The following NEDD4L variants were observed in gnomAD, a reference collection of about 807,000 sequenced individuals.
The protein encoded by NEDD4L is E3 ubiquitin-protein ligase NEDD4-like.
Under a neutral mutation model 148.9 loss-of-function variants are expected in NEDD4L, and 54 were observed. That is an observed-to-expected ratio of 0.36 (90% CI 0.29 to 0.45). The LOEUF (loss-of-function observed/expected upper bound fraction) is 0.45. Ranked by LOEUF, NEDD4L falls within the 20% of genes least tolerant of loss-of-function variation. NEDD4L has a pLI of 1.00. For synonymous variants in NEDD4L, 433 were observed against 440.7 expected (o/e 0.98, Z 0.22); for missense variants, 856 against 1,233.8 (o/e 0.69, Z 4.59).
intron 1 of NEDD4L, among the ~76,000 whole-genome samples, chr18:58,055,983 A>C (rs913506695): frequency 3.9e-5 from 6 of 152,202 alleles, no homozygotes; most frequent in Non-Finnish European, 7.3e-5. Flanking sequence ...TAGATATCAA[A>C]GTGATAGCTA....
At chr18:58,112,872 G>T (rs1326407812) in intron 1 of NEDD4L, among the ~76,000 whole-genome samples, 1 of 152,196 alleles carries the variant, frequency 6.6e-6, no homozygotes, top group Non-Finnish European at 1.5e-5. Flanking sequence ...ACCCCAATGG[G>T]ATGGTATTAG....
chr18:58,207,410 G>A (rs2042085311), intron 2 of NEDD4L, among the ~76,000 whole-genome samples: 1 of 151,896 alleles, frequency 6.6e-6, no homozygotes, highest in South Asian at 2.1e-4. Context: ...TGGAGCTGTA[G>A]TTTCCTCCCT....
intron 2 of NEDD4L, among the ~76,000 whole-genome samples, chr18:58,205,531 A>T (rs983082468): frequency 6.6e-6 from 1 of 151,552 alleles, no homozygotes; most frequent in Non-Finnish European, 1.5e-5. Context: ...GTTGGCAGGG[A>T]GAGAAGGAGG....
At chr18:58,147,896 C>T (rs1329898233) in intron 1 of NEDD4L, among the ~76,000 whole-genome samples, 3 of 152,140 alleles carry the variant, frequency 2.0e-5, no homozygotes, top group Admixed American at 6.5e-5. Flanking sequence ...CCCCCAAAGC[C>T]CCAGTGACTG....
intron 2 of NEDD4L, among the ~76,000 whole-genome samples, chr18:58,178,136 G>A (rs1278919166): frequency 6.6e-6 from 1 of 152,144 alleles, no homozygotes; most frequent in East Asian, 1.9e-4. Context: ...ATAAGCCATT[G>A]ATTTTCTACA....
chr18:58,073,701 GA>G (rs1307928914), intron 1 of NEDD4L, among the ~76,000 whole-genome samples: 1 of 152,170 alleles, frequency 6.6e-6, no homozygotes, highest in African/African-American at 2.4e-5. Context: ...AGGCTGGTGG[GA>G]GGGGAGAATA....
chr18:58,281,307 CCTT>C (rs2053042898), intron 5 of NEDD4L, among the ~76,000 whole-genome samples: 1 of 121,054 alleles, frequency 8.3e-6, no homozygotes, highest in Non-Finnish European at 1.7e-5. Context: ...AAGTCTCTCT[CCTT>C]TTTTTTTTTT....
intron 1 of NEDD4L, among the ~76,000 whole-genome samples, chr18:58,073,261 A>T (rs76352974): frequency 6.6e-6 from 1 of 152,060 alleles, no homozygotes; most frequent in Non-Finnish European, 1.5e-5. Context: ...TAAAAATCAC[A>T]TGGAAATGTA....
In NEDD4L at chr18:58,299,086, A is replaced by G. The variant is rs369870621; in HGVS notation, c.298-16896A>G. ...CTGAAGAAGGCTTGTGGCTCAGCACAATTTGGTCTTGTATGCACAGTAATC... is the reference window on the plus strand; with the variant it reads ...CTGAAGAAGGCTTGTGGCTCAGCACGATTTGGTCTTGTATGCACAGTAATC... On this transcript the variant is annotated intron_variant, in intron 5 of 30. Transcript: ENST00000400345. 2.7e-4 allele frequency among the ~76,000 whole-genome samples: 41 copies of G among 152,358 alleles called. No individual in the cohort carries two copies. The South Asian group carries it at 7.2e-3, about 27-fold the overall frequency.
chr18:58,282,025 A>C (rs1031622411), intron 5 of NEDD4L, among the ~76,000 whole-genome samples: 12 of 151,366 alleles, frequency 7.9e-5, no homozygotes, highest in Admixed American at 5.9e-4. Context: ...ACTCCGTCTC[A>C]CAAAAAAAAA....
intron 1 of NEDD4L, among the ~76,000 whole-genome samples, chr18:58,129,656 G>A (rs1486813497): frequency 1.3e-5 from 2 of 152,252 alleles, no homozygotes; most frequent in Non-Finnish European, 2.9e-5. Flanking sequence ...CTCAGATAGG[G>A]ACCTTGTGAT....
chr18:58,201,291 C>T (rs1015894558), intron 2 of NEDD4L, among the ~76,000 whole-genome samples: 1 of 152,118 alleles, frequency 6.6e-6, no homozygotes, highest in African/African-American at 2.4e-5. Context: ...CGAGATCACG[C>T]CACTGTACTC....
intron 18 of NEDD4L, among the ~76,000 whole-genome samples, chr18:58,356,521 G>A (rs1365082218): frequency 1.3e-5 from 2 of 152,106 alleles, no homozygotes; most frequent in African/African-American, 4.8e-5. Context: ...CACAAGTAAT[G>A]GTATAGATAG....
intron 1 of NEDD4L, among the ~76,000 whole-genome samples, chr18:58,082,610 A>C (rs1456654045): frequency 6.6e-6 from 1 of 151,428 alleles, no homozygotes; most frequent in Non-Finnish European, 1.5e-5. Context: ...CGTCTCTGCT[A>C]AGAACACAAA....
At chr18:58,261,255 A>G (rs1310162423) in intron 5 of NEDD4L, among the ~76,000 whole-genome samples, 1 of 152,216 alleles carries the variant, frequency 6.6e-6, no homozygotes, top group Admixed American at 6.5e-5. Flanking sequence ...AGGACTCGTA[A>G]GTATATTTAC....
At chr18:58,392,712 G>C (rs1030799181) in intron 30 of NEDD4L, among the ~76,000 whole-genome samples, 75 of 152,288 alleles carry the variant, frequency 4.9e-4, no homozygotes, top group African/African-American at 1.7e-3. Flanking sequence ...GAGTAGTTCA[G>C]AGCTTTTATC....
chr18:58,183,567 A>AC (rs371966989), intron 2 of NEDD4L, among the ~76,000 whole-genome samples: 13 of 152,044 alleles, frequency 8.6e-5, no homozygotes, highest in African/African-American at 3.1e-4. Flanking sequence ...CACCTGCAGC[A>AC]CCCCCCTCCT....
intron 1 of NEDD4L, among the ~76,000 whole-genome samples, chr18:58,159,271 G>A (rs921399651): frequency 1.3e-5 from 2 of 152,038 alleles, no homozygotes; most frequent in South Asian, 2.1e-4. Context: ...GCAGAGCACC[G>A]AGGATTTTTA....
chr18:58,339,271 C>A (rs568438850), intron 13 of NEDD4L, among the ~76,000 whole-genome samples: 3 of 152,104 alleles, frequency 2.0e-5, no homozygotes, highest in Non-Finnish European at 4.4e-5. Flanking sequence ...AATAGTAGGT[C>A]AAAACTTGAT....
Sources: allele counts gnomAD v4.1 joint callset (sites outside exome capture counted in the v4.1 genomes callset), GRCh38; gene constraint gnomAD v4.1.1; transcripts MANE v1.5; gene names NCBI Gene and HGNC (gene_info 2026-07-23, HGNC 2026-07-21).